SIN3B: variants seen among roughly 807,000 people sequenced by gnomAD.
The protein encoded by SIN3B is paired amphipathic helix protein Sin3b.
A neutral mutation model predicts 120.2 loss-of-function variants in SIN3B; 19 were observed. The ratio of observed to expected loss-of-function variants is 0.16; its 90% CI spans 0.11 to 0.23. The LOEUF (loss-of-function observed/expected upper bound fraction) is 0.23. Ranked by LOEUF, SIN3B falls within the 10% of genes least tolerant of loss-of-function variation. The pLI is 1.00. For synonymous variants in SIN3B, 654 were observed against 653.2 expected (o/e 1.00, Z -0.02); for missense variants, 1,073 against 1,573.0 (o/e 0.68, Z 5.38).
intron 5 of SIN3B, among the ~76,000 whole-genome samples, chr19:16,849,495 TGG>T (rs955048355): frequency 1.3e-5 from 2 of 152,164 alleles, no homozygotes; most frequent in African/African-American, 4.8e-5. Context: ...ACAAAAGGAA[TGG>T]GTGTGGCTAG....
chr19:16,877,334 G>T (rs2051621625), intron 16 of SIN3B: 2 of 566,178 alleles, frequency 3.5e-6, no homozygotes, highest in Admixed American at 3.1e-5. Context: ...TGGCCTGGTT[G>T]TGTGAGTCCC....
At position 16,831,584 on chromosome 19, in the gene SIN3B, C is replaced by G. The variant is rs779213696; in HGVS notation, c.318C>G (p.Leu106=). ...TTGGATTCAACGCTTTTCTTCCCCTCGGATATAGAATAGACATTCCCAAGA... is the reference window on the plus strand; with the variant it reads ...TTGGATTCAACGCTTTTCTTCCCCTGGGATATAGAATAGACATTCCCAAGA... ...LIVGFNAFLP[L]GYRIDIPKNG... Residue 106 remains leucine, a synonymous_variant, in exon 3 of 19, where the codon CTC becomes CTG. Transcript: ENST00000248054. The G allele has an allele frequency of 6.2e-7, 1 of 1,614,056 alleles. No homozygotes were observed. Among genetic ancestry groups the G allele is most frequent in the Non-Finnish European group, 8.5e-7 (1 of 1,179,962 alleles).
chr19:16,829,820 G>C lies in SIN3B; in HGVS notation c.150G>C (p.Gln50His). ...HVEDALTYLD[Q>H]VKIRFGSDPA... ...AAGACGCCCTCACCTATCTGGACCA[G>C]GTGAAGATCCGCTTTGGCAGCGACC... The change falls in exon 2 of 19, where the codon CAG becomes CAC. Residue 50 changes from glutamine (Q) to histidine (H), a missense_variant. Coordinates refer to ENST00000248054, the MANE Select transcript of SIN3B (RefSeq NM_001297595.2). 6.2e-7 allele frequency: 1 copy of C among 1,613,664 alleles called. No homozygotes were observed. The highest frequency in any genetic ancestry group is 8.5e-7 in the Non-Finnish European group (1 of 1,179,764).
chr19:16,876,002 G>A lies in SIN3B; in HGVS notation c.2593-53G>A. The A allele has an allele frequency of 6.6e-7, 1 of 1,511,266 alleles. No homozygotes were observed. Among genetic ancestry groups the A allele is most frequent in the Admixed American group, 2.0e-5 (1 of 49,056 alleles). 93.6% of individuals were successfully genotyped at this position (1,511,266 alleles called of 1,614,324 possible). ...TGTCGACTTCCTCTGTGGGTGAGGT[G>A]GGGACTCCCGCAGGAGGCGGGGTGG... is the stretch of plus-strand genomic sequence containing the variant. On this transcript the variant is annotated intron_variant, in intron 14 of 18. Transcript: ENST00000248054. This position sits in a 1 kb window ranked among gnomAD's most constrained non-coding sequence, Gnocchi z 7.1.
intron 3 of SIN3B, among the ~76,000 whole-genome samples, chr19:16,838,970 CTTTTTTTTT>C (rs34648986): frequency 1.2e-5 from 1 of 86,600 alleles, no homozygotes; most frequent in African/African-American, 4.9e-5. Flanking sequence ...CCGCGCCTGG[CTTTTTTTTT>C]TTTTTTTTTT....
Position 16,829,451 on chromosome 19 carries a change from AGCGGTGCCG to A in SIN3B, c.36_44del (p.Ala13_Gly15del), listed in dbSNP as rs1971248622. ...GCACGCTGGCGGTGGCAGCGGTGGC[AGCGGTGCCG>A]GCGGCCCCGCGGGCCGGGGGCTGAG... On this transcript the variant is annotated inframe_deletion, in exon 1 of 19. Coordinates refer to ENST00000248054, the MANE Select transcript of SIN3B (RefSeq NM_001297595.2). The A allele has an allele frequency of 6.6e-6, 8 of 1,213,720 alleles. No individual in the cohort carries two copies. The highest frequency in any genetic ancestry group is 8.2e-6 in the Non-Finnish European group (8 of 976,140). 75.2% of individuals were successfully genotyped at this position (1,213,720 alleles called of 1,614,324 possible). A position where few individuals can be genotyped will look rare whatever the true frequency, so the allele number is the denominator to read the frequency against.
chr19:16,869,864 C>T lies in SIN3B; in HGVS notation c.2211C>T (p.Asp737=), dbSNP rs373128045. 9.9e-6 allele frequency: 16 copies of T among 1,614,078 alleles called. No individual in the cohort carries two copies. The highest frequency in any genetic ancestry group is 9.3e-5 in the African/African-American group (7 of 74,946). ...LPPPAPHKPL[D]DVYSLFFANN... ...CCCCAGCCCCGCACAAGCCCCTGGA[C>T]GATGTCTACAGCCTATTTTTTGCCA... Residue 737 remains aspartate, a synonymous_variant, in exon 13 of 19, where the codon GAC becomes GAT. Coordinates refer to ENST00000248054, the MANE Select transcript of SIN3B (RefSeq NM_001297595.2).
At chr19:16,873,062 C>T (rs529305587) in intron 14 of SIN3B, among the ~76,000 whole-genome samples, 3 of 152,036 alleles carry the variant, frequency 2.0e-5, no homozygotes, top group Admixed American at 2.0e-4. Flanking sequence ...CAGTGCTGTG[C>T]GAGGCCGCAC....
chr19:16,853,155 C>T lies in SIN3B; in HGVS notation c.936C>T (p.Asp312=), dbSNP rs1971567042. 1 of 1,613,958 alleles carries T rather than the reference C, an allele frequency of 6.2e-7. No individual in the cohort carries two copies. Among genetic ancestry groups the T allele is most frequent in the Non-Finnish European group, 8.5e-7 (1 of 1,179,808 alleles). ...YGTLQEFSFF[D]KVRRVLKSQE... ...CTCTGCAGGAATTTTCTTTCTTTGA[C>T]AAGGTGAGGGTGGGCCCTGGCTTCC... Residue 312 remains aspartate (D), a synonymous_variant, in exon 7 of 19, where the codon GAC becomes GAT. Coordinates refer to ENST00000248054, the MANE Select transcript of SIN3B (RefSeq NM_001297595.2).
At chr19:16,873,574 C>G (rs1260932798) in intron 14 of SIN3B, among the ~76,000 whole-genome samples, 1 of 149,040 alleles carries the variant, frequency 6.7e-6, no homozygotes, top group Non-Finnish European at 1.5e-5. Flanking sequence ...TCGGGGACAG[C>G]AACCTTGCTT....
intron 16 of SIN3B, 53 bp from the exon 17 acceptor site, chr19:16,877,492 G>T: frequency 7.6e-7 from 1 of 1,323,882 alleles, no homozygotes. Context: ...GAGTAAGAGT[G>T]GCCATAGCCC....
chr19:16,854,515 A>T (rs757843722), intron 8 of SIN3B: 3 of 414,832 alleles, frequency 7.2e-6, no homozygotes, highest in Non-Finnish European at 1.3e-5. Context: ...TGGGTCCTCG[A>T]GTAATGCCTT....
chr19:16,832,478 G>A (rs917152078), intron 3 of SIN3B, among the ~76,000 whole-genome samples: 1 of 149,720 alleles, frequency 6.7e-6, no homozygotes, highest in African/African-American at 2.5e-5. Context: ...GATTACAGGC[G>A]TGAGCCACCG....
rs778176585 is a variant in SIN3B at position 16,841,792 on chromosome 19, G to A, written c.406G>A (p.Gly136Ser). The change falls in exon 4 of 19, where the codon GGT (glycine) becomes AGT (serine). Residue 136 changes from glycine to serine, a missense_variant. Transcript: ENST00000248054. The part of the protein sequence containing the change: ...SQENSHNHGD[G>S]AEDFKQQVPY... ...GGAGAATTCGCACAACCACGGGGAC[G>A]GTGCAGAGGACTTCAAGCAGCAGGT... The A allele has an allele frequency of 6.8e-6, 11 of 1,613,882 alleles. No individual in the cohort carries two copies. Among genetic ancestry groups the A allele is most frequent in the East Asian group, 4.5e-5 (2 of 44,892 alleles).
chr19:16,837,998 G>C lies in SIN3B; in HGVS notation c.382-3770G>C, dbSNP rs189580723. Among the ~76,000 whole-genome samples, 454 of 152,178 alleles carry C rather than the reference G, an allele frequency of 3.0e-3. 1 individual carries two copies. Among genetic ancestry groups the C allele is most frequent in the South Asian group, 0.011 (51 of 4,816 alleles). On this transcript the variant is annotated intron_variant, in intron 3 of 18. Coordinates refer to ENST00000248054, the MANE Select transcript of SIN3B (RefSeq NM_001297595.2). ...CCACGCAGGATGGTTGTCATGGTGT[G>C]GGAGGCAGTTCGAACTCTGCCTGAT...
intron 14 of SIN3B, among the ~76,000 whole-genome samples, chr19:16,873,956 A>C (rs1023306716): frequency 5.1e-4 from 77 of 152,330 alleles, no homozygotes; most frequent in African/African-American, 1.8e-3. Context: ...TCTGAAACCT[A>C]TGCGTGTCCA....
At chr19:16,851,878 T>C (rs1261743672) in intron 6 of SIN3B, among the ~76,000 whole-genome samples, 1 of 152,250 alleles carries the variant, frequency 6.6e-6, no homozygotes, top group East Asian at 1.9e-4. Flanking sequence ...GGTTGGTCAC[T>C]GCACAGCTGA....
intron 3 of SIN3B, among the ~76,000 whole-genome samples, chr19:16,838,396 G>C (rs1372065236): frequency 6.6e-6 from 1 of 152,086 alleles, no homozygotes; most frequent in Non-Finnish European, 1.5e-5. Flanking sequence ...TTATGGATTT[G>C]CCCGTATGGA....
intron 5 of SIN3B, among the ~76,000 whole-genome samples, chr19:16,847,932 C>T (rs904848712): frequency 1.3e-5 from 2 of 152,188 alleles, no homozygotes; most frequent in African/African-American, 2.4e-5. Flanking sequence ...CTCCTGGCAA[C>T]GCCCATGTGC....
Sources: gnomAD v4.1 joint callset for allele counts (sites outside exome capture counted in the v4.1 genomes callset) on GRCh38, gnomAD v4.1.1 for gene constraint, Gnocchi (gnomAD v3.1) non-coding constraint, MANE v1.5 for transcripts, NCBI Gene and HGNC (gene_info 2026-07-23, HGNC 2026-07-21) for gene names.